DNM2: variants seen among roughly 807,000 people sequenced by gnomAD.
DNM2 encodes dynamin-2.
A neutral mutation model predicts 99.0 loss-of-function variants in DNM2; 15 were observed. The ratio of observed to expected loss-of-function variants is 0.15; its 90% CI spans 0.10 to 0.23. The LOEUF (loss-of-function observed/expected upper bound fraction) is 0.23. DNM2 is among the 10% of genes least tolerant of loss of function. The pLI is 1.00. For synonymous variants in DNM2, 525 were observed against 481.2 expected (o/e 1.09, Z -1.19); for missense variants, 742 against 1,189.4 (o/e 0.62, Z 5.53).
In DNM2 at chr19:10,811,364, C is replaced by G; in HGVS notation, c.1558-900C>G. ...CCCCCGACTAGGACAGCATCTGGGC[C>G]CCAGAGGGATTCCTGGAGGCCCCAT... On this transcript the variant is annotated intron_variant, in intron 14 of 20. Transcript: ENST00000389253. The surrounding 1 kb of genome is among the most constrained non-coding windows in gnomAD (Gnocchi z 5.4). The G allele has an allele frequency of 3.7e-6, 1 of 269,118 alleles. No homozygotes were observed. The highest frequency in any genetic ancestry group is 7.5e-6 in the Non-Finnish European group (1 of 134,176). 16.7% of individuals were successfully genotyped at this position (269,118 alleles called of 1,614,324 possible).
intron 7 of DNM2, among the ~76,000 whole-genome samples, chr19:10,792,277 G>A (rs2071779466): frequency 6.6e-6 from 1 of 152,068 alleles, no homozygotes; most frequent in South Asian, 2.1e-4. Flanking sequence ...CCCTTTCTTT[G>A]GCAGCCCAGC....
At chr19:10,740,661 G>A (rs1452002705) in intron 1 of DNM2, among the ~76,000 whole-genome samples, 1 of 152,236 alleles carries the variant, frequency 6.6e-6, no homozygotes, top group Admixed American at 6.5e-5. Context: ...ACAGGCGTAA[G>A]CCACCGCGCC....
intron 1 of DNM2, among the ~76,000 whole-genome samples, chr19:10,736,495 TGTCTA>T (rs2069531292): frequency 6.6e-6 from 1 of 152,334 alleles, no homozygotes; most frequent in South Asian, 2.1e-4. Flanking sequence ...AAAATTGTTT[TGTCTA>T]GTCTAGTTCC....
At chr19:10,806,175 C>T (rs2072330889) in intron 13 of DNM2, among the ~76,000 whole-genome samples, 1 of 152,176 alleles carries the variant, frequency 6.6e-6, no homozygotes, top group African/African-American at 2.4e-5. Context: ...GCCTAGTGGG[C>T]ACATTTTACC....
intron 11 of DNM2, among the ~76,000 whole-genome samples, chr19:10,801,649 G>A (rs1282038903): frequency 6.9e-6 from 1 of 145,876 alleles, no homozygotes; most frequent in African/African-American, 2.5e-5. Context: ...GCTCATGCTT[G>A]TAATCCCAGC....
chr19:10,780,119 C>T (rs1467840309), intron 5 of DNM2: 1 of 152,290 alleles, frequency 6.6e-6, no homozygotes, highest in Non-Finnish European at 1.5e-5. Context: ...AAAGTTCAGA[C>T]CTTGGTTGCC....
chr19:10,786,555 C>G lies in DNM2; in HGVS notation c.850-9C>G. On this transcript the variant is annotated splice_polypyrimidine_tract_variant and intron_variant, in intron 6 of 20. Transcript: ENST00000389253. Reference sequence around the variant, plus strand: ...CCACCCTTTCTGATCTCTGACCTCTCTCCTGCAGCAACTGACCAACCACAT... The same window carrying G: ...CCACCCTTTCTGATCTCTGACCTCTGTCCTGCAGCAACTGACCAACCACAT... The G allele has an allele frequency of 6.2e-7, 1 of 1,614,090 alleles. No individual in the cohort carries two copies. The highest frequency in any genetic ancestry group is 8.5e-7 in the Non-Finnish European group (1 of 1,180,024).
At chr19:10,771,198 A>C (rs2070965949) in intron 2 of DNM2, among the ~76,000 whole-genome samples, 1 of 152,204 alleles carries the variant, frequency 6.6e-6, no homozygotes, top group Non-Finnish European at 1.5e-5. Flanking sequence ...TGGAAACGTC[A>C]AGGCTTTGTA....
chr19:10,790,218 GAGCCTTCTGT>G (rs1027142243), intron 7 of DNM2, among the ~76,000 whole-genome samples: 3 of 152,228 alleles, frequency 2.0e-5, no homozygotes, highest in African/African-American at 7.2e-5. Context: ...GCAAAGCCTG[GAGCCTTCTGT>G]CTCCGCCTGG....
chr19:10,768,027 T>TC (rs1340447321), intron 2 of DNM2, among the ~76,000 whole-genome samples: 4 of 152,186 alleles, frequency 2.6e-5, no homozygotes, highest in Non-Finnish European at 5.9e-5. Context: ...TGGGCCTTTT[T>TC]CTCTGGTGTG....
chr19:10,811,616 C>T lies in DNM2; in HGVS notation c.1558-648C>T, dbSNP rs1054425501. Reference sequence around the variant, plus strand: ...GGGCTCTGCCCACACATGCCTCCAGCGGCCAGGGAGCATGGGAGCACAGCC... The same window carrying T: ...GGGCTCTGCCCACACATGCCTCCAGTGGCCAGGGAGCATGGGAGCACAGCC... On this transcript the variant is annotated intron_variant, in intron 14 of 20. Transcript: ENST00000389253. This position sits in a 1 kb window ranked among gnomAD's most constrained non-coding sequence, Gnocchi z 5.4. The T allele has an allele frequency of 2.2e-5, 10 of 449,942 alleles. No individual in the cohort carries two copies. The highest frequency in any genetic ancestry group is 1.4e-4 in the African/African-American group (7 of 50,096). 27.9% of individuals were successfully genotyped at this position (449,942 alleles called of 1,614,324 possible).
chr19:10,790,483 T>C (rs1181865452), intron 7 of DNM2, among the ~76,000 whole-genome samples: 2 of 152,176 alleles, frequency 1.3e-5, no homozygotes, highest in African/African-American at 2.4e-5. Flanking sequence ...TTTTTTTGTT[T>C]TTGTTTTGAG....
Position 10,765,338 on chromosome 19 carries a change from C to T in DNM2, c.235+5527C>T, listed in dbSNP as rs942733673. Among the ~76,000 whole-genome samples the T allele has an allele frequency of 3.8e-4, 58 of 152,240 alleles. 3 individuals are homozygous for T. Among genetic ancestry groups the T allele is most frequent in the Non-Finnish European group, 1.0e-4 (7 of 68,040 alleles). On this transcript the variant is annotated intron_variant, in intron 2 of 20. Transcript: ENST00000389253. The surrounding 1 kb of genome is among the most constrained non-coding windows in gnomAD (Gnocchi z 4.4). ...CGGCTCTGCCCAGCACAGGGCCTGG[C>T]GCCGAGCAGGTGCTCCGCATGCACG...
At chr19:10,757,157 G>T (rs1254607171) in intron 1 of DNM2, among the ~76,000 whole-genome samples, 2 of 152,124 alleles carry the variant, frequency 1.3e-5, no homozygotes, top group East Asian at 3.9e-4. Context: ...GCCCTGCTCT[G>T]CCAGCAGCGC....
intron 1 of DNM2, among the ~76,000 whole-genome samples, chr19:10,744,503 G>A (rs2069889005): frequency 6.6e-6 from 1 of 152,148 alleles, no homozygotes; most frequent in Non-Finnish European, 1.5e-5. Flanking sequence ...GTGTTTGCCT[G>A]GAGGTCACTA....
At chr19:10,826,095 G>A (rs552988804) in intron 18 of DNM2, among the ~76,000 whole-genome samples, 6 of 152,132 alleles carry the variant, frequency 3.9e-5, no homozygotes, top group Admixed American at 6.5e-5. Context: ...AATCTGCACG[G>A]CCATCCTCTT....
chr19:10,748,097 G>A (rs940217320), intron 1 of DNM2, among the ~76,000 whole-genome samples: 1 of 152,130 alleles, frequency 6.6e-6, no homozygotes, highest in Non-Finnish European at 1.5e-5. Context: ...GCAGGGCTTG[G>A]GGGGCTGCAG....
intron 16 of DNM2, among the ~76,000 whole-genome samples, chr19:10,822,187 C>CTT (rs1245880128): frequency 1.1e-4 from 16 of 140,572 alleles, no homozygotes; most frequent in African/African-American, 1.6e-4. Flanking sequence ...TTTTCTTTTT[C>CTT]TTTTTTTTTT....
At chr19:10,813,993 C>T (rs1452883161) in intron 15 of DNM2, among the ~76,000 whole-genome samples, 1 of 151,940 alleles carries the variant, frequency 6.6e-6, no homozygotes, top group Non-Finnish European at 1.5e-5. Flanking sequence ...GAAGCCCCTT[C>T]TCTACTAAAA....
Sources: allele counts gnomAD v4.1 joint callset (sites outside exome capture counted in the v4.1 genomes callset), GRCh38; gene constraint gnomAD v4.1.1; non-coding constraint Gnocchi (gnomAD v3.1); transcripts MANE v1.5; gene names NCBI Gene and HGNC (gene_info 2026-07-23, HGNC 2026-07-21).